Variants in GPHN observed in about 807,000 individuals in gnomAD.
GPHN encodes gephyrin.
GPHN carries 17 observed loss-of-function variants against 95.5 expected under a neutral mutation model. The ratio of observed to expected loss-of-function variants is 0.18; its 90% CI spans 0.12 to 0.27. GPHN has a LOEUF of 0.27. GPHN is among the 10% of genes least tolerant of loss of function. The pLI, the probability that GPHN is intolerant of heterozygous loss-of-function variation, is 1.00. For synonymous variants in GPHN, 320 were observed against 322.5 expected (o/e 0.99, Z 0.08); for missense variants, 660 against 978.1 (o/e 0.67, Z 4.34).
intron 1 of GPHN, among the ~76,000 whole-genome samples, chr14:66,675,333 TG>T (rs764702750): frequency 1.5e-4 from 23 of 151,990 alleles, no homozygotes; most frequent in Non-Finnish European, 2.5e-4. Context: ...TTAGTAGAGA[TG>T]GGGTTTCACC....
chr14:66,960,582 CA>C (rs1245265088), intron 8 of GPHN, among the ~76,000 whole-genome samples: 1 of 151,926 alleles, frequency 6.6e-6, no homozygotes, highest in Non-Finnish European at 1.5e-5. Context: ...TACCTAGAAC[CA>C]AAAAATTAAT....
the GPHN span, among the ~76,000 whole-genome samples, chr14:67,366,752 A>C: frequency 2.5e-4 from 38 of 152,110 alleles, no homozygotes; most frequent in Non-Finnish European, 4.6e-4. Flanking sequence ...CTGAACAAGT[A>C]TGAAAAATAA....
At chr14:66,921,845 A>G (rs2066234290) in intron 6 of GPHN, among the ~76,000 whole-genome samples, 1 of 152,192 alleles carries the variant, frequency 6.6e-6, no homozygotes, top group Non-Finnish European at 1.5e-5. Flanking sequence ...ACAGCATGGT[A>G]CTGGTATAAA....
At chr14:67,208,424 A>G in the GPHN span, 3 of 1,613,808 alleles carry the variant, frequency 1.9e-6, no homozygotes, top group Non-Finnish European at 2.5e-6. Context: ...TTTTCAGAGC[A>G]CAGCTCTCAA....
At chr14:67,142,117 T>C (rs2080496803) in intron 17 of GPHN, among the ~76,000 whole-genome samples, 1 of 152,178 alleles carries the variant, frequency 6.6e-6, no homozygotes, top group South Asian at 2.1e-4. Context: ...TTTTTAGTTG[T>C]TCTCATTAGA....
intron 1 of GPHN, among the ~76,000 whole-genome samples, chr14:66,597,510 C>T (rs1385161474): frequency 6.6e-6 from 1 of 152,132 alleles, no homozygotes; most frequent in Non-Finnish European, 1.5e-5. Flanking sequence ...GGCTTGGCCA[C>T]AACGTTGCTC....
intron 4 of GPHN, among the ~76,000 whole-genome samples, chr14:66,868,585 G>A (rs976078019): frequency 6.6e-6 from 1 of 151,990 alleles, no homozygotes; most frequent in Non-Finnish European, 1.5e-5. Flanking sequence ...GTAGAGACAG[G>A]GTTTCACCAT....
chr14:67,144,112 C>T (rs1455146682), intron 18 of GPHN, among the ~76,000 whole-genome samples: 1 of 149,822 alleles, frequency 6.7e-6, no homozygotes, highest in Non-Finnish European at 1.5e-5. Flanking sequence ...GTGGCACGCG[C>T]CTGCAGTTCC....
At chr14:67,392,701 G>A in the GPHN span, 36 of 1,614,078 alleles carry the variant, frequency 2.2e-5, no homozygotes, top group South Asian at 7.7e-5. Flanking sequence ...GGAACTGCTC[G>A]GCCAGATCCC....
At chr14:66,854,385 A>G (rs2062713239) in intron 4 of GPHN, among the ~76,000 whole-genome samples, 1 of 152,328 alleles carries the variant, frequency 6.6e-6, no homozygotes, top group African/African-American at 2.4e-5. Context: ...TGAATGGAAG[A>G]TGACAGCAAC....
chr14:67,238,264 G>T, the GPHN span, among the ~76,000 whole-genome samples: 12 of 135,712 alleles, frequency 8.8e-5, no homozygotes, highest in East Asian at 5.0e-4. Context: ...TCTCTTTCTT[G>T]CTTTCTTTTT....
the GPHN span, among the ~76,000 whole-genome samples, chr14:67,339,364 A>AT: frequency 1.3e-4 from 20 of 152,128 alleles, no homozygotes; most frequent in Admixed American, 1.0e-3. Flanking sequence ...GCATTCAGGC[A>AT]TTTTTTTAAA....
the GPHN span, among the ~76,000 whole-genome samples, chr14:67,438,415 G>A: frequency 6.6e-6 from 1 of 152,186 alleles, no homozygotes; most frequent in Non-Finnish European, 1.5e-5. Flanking sequence ...TTTCTTTATG[G>A]GGTTAGAGGT....
At chr14:67,207,963 T>C in the GPHN span, among the ~76,000 whole-genome samples, 1 of 152,174 alleles carries the variant, frequency 6.6e-6, no homozygotes, top group Non-Finnish European at 1.5e-5. Flanking sequence ...CAACACGAGC[T>C]GGGGAACATG....
chr14:66,608,400 C>A (rs1366725653), intron 1 of GPHN, among the ~76,000 whole-genome samples: 1 of 151,860 alleles, frequency 6.6e-6, no homozygotes, highest in Non-Finnish European at 1.5e-5. Context: ...TGCTTTATGA[C>A]CAAAACATTT....
At chr14:66,529,782 G>A (rs1368660001) in intron 1 of GPHN, among the ~76,000 whole-genome samples, 1 of 152,142 alleles carries the variant, frequency 6.6e-6, no homozygotes, top group East Asian at 1.9e-4. Context: ...CTTTGCATAG[G>A]TATCACCAGT....
chr14:67,364,804 T>C, the GPHN span: 2 of 1,613,858 alleles, frequency 1.2e-6, no homozygotes, highest in Non-Finnish European at 1.7e-6. Flanking sequence ...TCAACACAAA[T>C]TTCCTGAGGT....
At chr14:67,364,929 G>C in the GPHN span, 1 of 1,613,994 alleles carries the variant, frequency 6.2e-7, no homozygotes, top group Non-Finnish European at 8.5e-7. Flanking sequence ...TATCCAGAAG[G>C]CGTATCCGTT....
At chr14:66,557,283 AGAAT>A (rs2060047541) in intron 1 of GPHN, among the ~76,000 whole-genome samples, 1 of 124,710 alleles carries the variant, frequency 8.0e-6, no homozygotes, top group African/African-American at 4.3e-5. Context: ...ATAGATAGAT[AGAAT>A]GAATTTAATG....
Sources: allele counts gnomAD v4.1 joint callset (sites outside exome capture counted in the v4.1 genomes callset), GRCh38; gene constraint gnomAD v4.1.1; transcripts MANE v1.5; gene names NCBI Gene and HGNC (gene_info 2026-07-23, HGNC 2026-07-21).